The following DNAH3 variants were observed in gnomAD, a reference collection of about 807,000 sequenced individuals.
DNAH3 encodes axonemal beta dynein heavy chain 3.
DNAH3 carries 332 observed loss-of-function variants against 432.5 expected under a neutral mutation model. The observed-to-expected ratio is 0.77, with a 90% CI of 0.70 to 0.84. The LOEUF is 0.84. Ranked by LOEUF, DNAH3 falls within the 40% of genes least tolerant of loss-of-function variation. The pLI is 0.00. For missense variants in DNAH3, 4,861 were observed against 5,114.0 expected, an observed-to-expected ratio of 0.95 and a Z score of 1.51; for synonymous variants, 1,956 against 1,900.2, an observed-to-expected ratio of 1.03 and a Z score of -0.76.
At chr16:21,101,155 GA>G (rs1330670693) in intron 16 of DNAH3, among the ~76,000 whole-genome samples, 1 of 152,056 alleles carries the variant, frequency 6.6e-6, no homozygotes, top group Non-Finnish European at 1.5e-5. Flanking sequence ...AATGCACTCA[GA>G]ACACTCACAT....
rs1338184099 is a variant in DNAH3 at position 21,133,952 on chromosome 16, A to G, written c.1082+307T>C. ...GCACAGAAAAGTGATGCGACCACAT[A>G]TATGCCTGTAAAGCAGCAGAGCTAG... On this transcript the variant is annotated intron_variant, in intron 7 of 61. Transcript: ENST00000261383. Among the ~76,000 whole-genome samples, 3 of 152,200 alleles carry G rather than the reference A, an allele frequency of 2.0e-5. No homozygotes were observed. The East Asian group carries it at 5.8e-4, about 29-fold the overall frequency.
At chr16:21,134,277 T>G (rs1461994145) in exon 7 of DNAH3, 1 of 1,611,974 alleles carries the variant, frequency 6.2e-7, no homozygotes, top group African/African-American at 1.3e-5. Context: ...CCACAGTTCT[T>G]TCAGCCTGAG....
At chr16:21,067,830 A>G (rs2090627069) in intron 23 of DNAH3, among the ~76,000 whole-genome samples, 1 of 145,648 alleles carries the variant, frequency 6.9e-6, no homozygotes, top group Admixed American at 7.0e-5. Context: ...AGGAAAGAGG[A>G]GCCAAGATCA....
At chr16:21,122,768 C>T (rs2092371076) in intron 9 of DNAH3, among the ~76,000 whole-genome samples, 1 of 152,014 alleles carries the variant, frequency 6.6e-6, no homozygotes, top group African/African-American at 2.4e-5. Flanking sequence ...ATAATCTCCT[C>T]CCACTTCTGA....
Position 21,081,653 on chromosome 16 carries a change from GA to G in DNAH3, c.2951del (p.Phe984SerfsTer28), listed in dbSNP as rs1209596850. Reference sequence around the variant, plus strand: ...GCCCTTACTTTTCAACGAATTTGCCGAATCCAAATTCGAGCATATTTGAGAG... The same window carrying G: ...GCCCTTACTTTTCAACGAATTTGCCGATCCAAATTCGAGCATATTTGAGAG... On this transcript the variant is annotated frameshift_variant, in exon 20 of 62. Coordinates refer to ENST00000261383, the Ensembl canonical transcript of DNAH3. LOFTEE classifies it high-confidence loss of function. 6.2e-7 allele frequency: 1 copy of G among 1,613,322 alleles called. No individual in the cohort carries two copies. Among genetic ancestry groups the G allele is most frequent in the African/African-American group, 1.3e-5 (1 of 74,896 alleles).
intron 7 of DNAH3, among the ~76,000 whole-genome samples, chr16:21,130,295 G>A (rs1380789024): frequency 1.4e-5 from 2 of 146,230 alleles, no homozygotes; most frequent in African/African-American, 5.1e-5. Flanking sequence ...CTCTCATCAA[G>A]CCCTCCACTT....
intron 54 of DNAH3, among the ~76,000 whole-genome samples, chr16:20,957,704 G>A (rs553324922): frequency 6.6e-6 from 1 of 151,298 alleles, no homozygotes; most frequent in African/African-American, 2.4e-5. Context: ...AGCCTCAGGA[G>A]GCCGAGGCAG....
intron 43 of DNAH3, among the ~76,000 whole-genome samples, chr16:20,998,562 G>T (rs2086866140): frequency 6.6e-6 from 1 of 151,884 alleles, no homozygotes; most frequent in African/African-American, 2.4e-5. Flanking sequence ...CTGAGCTGGG[G>T]TTTTTGATGA....
At chr16:21,133,694 C>T (rs1275156004) in intron 7 of DNAH3, among the ~76,000 whole-genome samples, 1 of 148,732 alleles carries the variant, frequency 6.7e-6, no homozygotes, top group African/African-American at 2.5e-5. Context: ...GAGCCAAGAT[C>T]GCGCCATTGC....
At chr16:21,092,832 C>T (rs2091577634) in intron 18 of DNAH3, among the ~76,000 whole-genome samples, 1 of 150,356 alleles carries the variant, frequency 6.7e-6, no homozygotes, top group Admixed American at 6.7e-5. Flanking sequence ...TGAACAAATA[C>T]CTAATCTAAG....
intron 7 of DNAH3, among the ~76,000 whole-genome samples, chr16:21,133,361 CAAAAAA>C (rs34385925): frequency 5.7e-5 from 4 of 70,202 alleles, no homozygotes; most frequent in Admixed American, 5.1e-4. Flanking sequence ...AGATTCGTCT[CAAAAAA>C]AAAAAAAAAA....
At chr16:20,980,289 A>ATATACATCATATAT (rs1386379837) in intron 49 of DNAH3, among the ~76,000 whole-genome samples, 10 of 122,290 alleles carry the variant, frequency 8.2e-5, no homozygotes, top group East Asian at 5.7e-4. Context: ...ATATATTATA[A>ATATACATCATATAT]TATACATCAT....
intron 60 of DNAH3, among the ~76,000 whole-genome samples, chr16:20,935,749 AGG>A (rs1469109165): frequency 1.3e-5 from 2 of 151,560 alleles, no homozygotes; most frequent in East Asian, 3.9e-4. Flanking sequence ...AAGCTGAGGC[AGG>A]AGAATCGCTT....
chr16:20,985,653 AAAG>A lies in DNAH3; in HGVS notation c.7086_7088del (p.Phe2363del), dbSNP rs781568659. ...CACTTTCTGGCTTGAAATAATCTCCAAAGAAGAGGCTTCGAATGTTATCATCGA... is the reference window on the plus strand; with the variant it reads ...CACTTTCTGGCTTGAAATAATCTCCAAAGAGGCTTCGAATGTTATCATCGA... On this transcript the variant is annotated inframe_deletion, in exon 48 of 62. Transcript: ENST00000261383. 6.2e-6 allele frequency: 10 copies of A among 1,614,060 alleles called. No individual in the cohort carries two copies. In the East Asian group the frequency reaches 1.8e-4, roughly 29 times the overall value.
At chr16:20,952,409 T>A in intron 56 of DNAH3, 24 bp downstream of exon 56, 1 of 1,436,560 alleles carries the variant, frequency 7.0e-7, no homozygotes, top group South Asian at 1.1e-5. Flanking sequence ...AGGTTTACAG[T>A]GGAAAAACTC....
chr16:21,107,131 C>T (rs923413658), intron 14 of DNAH3, among the ~76,000 whole-genome samples: 1 of 151,976 alleles, frequency 6.6e-6, no homozygotes, highest in Non-Finnish European at 1.5e-5. Flanking sequence ...ACAAATACAC[C>T]ATACTACCTC....
rs756811397 is a variant in DNAH3, at chr16:21,120,760, G to C, written c.1679C>G (p.Ala560Gly). 1.9e-6 allele frequency: 3 copies of C among 1,613,710 alleles called. No individual in the cohort carries two copies. In the East Asian group the frequency reaches 6.7e-5, roughly 36 times the overall value. Reference sequence around the variant, plus strand: ...GGTACCTGCCATTGCAGTGGCAGCCGCGTGCATGCTGGGCTCTCCTGGCTC... The same window carrying C: ...GGTACCTGCCATTGCAGTGGCAGCCCCGTGCATGCTGGGCTCTCCTGGCTC... The change falls in exon 11 of 62, where the codon GCG becomes GGG. Residue 560 changes from alanine (A) to glycine (G), a missense_variant. By Grantham distance (60) the Ala-to-Gly change is moderately conservative. Coordinates refer to ENST00000261383, the Ensembl canonical transcript of DNAH3.
Position 20,935,332 on chromosome 16 carries a change from C to T in DNAH3, c.11997+16G>A, listed in dbSNP as rs780633398. ...TGGTCAGCCCCTTGAGTGAGCCTAA[C>T]CCAAAGCACCCCTACCTCAAACTCA... On this transcript the variant is annotated intron_variant, in intron 61 of 61. Transcript: ENST00000261383. 2 of 1,613,838 alleles carry T rather than the reference C, an allele frequency of 1.2e-6. No individual in the cohort carries two copies. Among genetic ancestry groups the T allele is most frequent in the African/African-American group, 2.7e-5 (2 of 74,992 alleles).
chr16:21,020,592 G>A (rs540116522), intron 40 of DNAH3, among the ~76,000 whole-genome samples: 3 of 149,564 alleles, frequency 2.0e-5, no homozygotes, highest in African/African-American at 7.4e-5. Context: ...TAGTAGAGAC[G>A]GGGTTTTACT....
Sources: gnomAD v4.1 joint callset for allele counts (sites outside exome capture counted in the v4.1 genomes callset) on GRCh38, gnomAD v4.1.1 for gene constraint, MANE v1.5 for transcripts, NCBI Gene and HGNC (gene_info 2026-07-23, HGNC 2026-07-21) for gene names.